The following SPATA16 variants were observed in gnomAD, a reference collection of about 807,000 sequenced individuals.
SPATA16 encodes the protein spermatogenesis-associated protein 16.
SPATA16 carries 36 observed loss-of-function variants against 63.3 expected under a neutral mutation model. That is an observed-to-expected ratio of 0.57 (90% CI 0.44 to 0.75). The LOEUF is 0.75. SPATA16 is among the 30% of genes least tolerant of loss of function. The pLI, the probability that SPATA16 is intolerant of heterozygous loss-of-function variation, is 0.00. For synonymous variants in SPATA16, 203 were observed against 216.7 expected (o/e 0.94, Z 0.56); for missense variants, 646 against 679.3 (o/e 0.95, Z 0.54).
intron 2 of SPATA16, among the ~76,000 whole-genome samples, chr3:173,065,996 G>C (rs1363593363): frequency 6.6e-6 from 1 of 152,208 alleles, no homozygotes; most frequent in East Asian, 1.9e-4. Flanking sequence ...ATGCAGCTAT[G>C]AGACACTGGC....
Position 173,049,562 on chromosome 3 carries a change from A to G in SPATA16, c.613-468T>C, listed in dbSNP as rs1286368853. 2.0e-5 allele frequency among the ~76,000 whole-genome samples: 3 copies of G among 152,310 alleles called. No individual in the cohort carries two copies. In the South Asian group the frequency reaches 6.2e-4, roughly 32 times the overall value. Reference sequence around the variant, plus strand: ...ACTATCAAGTTTGATTTAATATAATAAGAGGTATCGGAAGTAAACTCCTAG... The same window carrying G: ...ACTATCAAGTTTGATTTAATATAATGAGAGGTATCGGAAGTAAACTCCTAG... On this transcript the variant is annotated intron_variant, in intron 2 of 10. Coordinates refer to ENST00000351008, the MANE Select transcript of SPATA16 (RefSeq NM_031955.6).
chr3:173,085,502 AT>A (rs984743103), intron 2 of SPATA16, among the ~76,000 whole-genome samples: 17 of 149,040 alleles, frequency 1.1e-4, no homozygotes, highest in East Asian at 2.0e-4. Context: ...AATATGCTTT[AT>A]TTTTTTTTTC....
intron 2 of SPATA16, among the ~76,000 whole-genome samples, chr3:173,055,044 T>C (rs538749683): frequency 9.4e-4 from 143 of 152,328 alleles, no homozygotes; most frequent in South Asian, 1.9e-3. Context: ...AAATGTTTGA[T>C]GTTATTCATT....
intron 10 of SPATA16, among the ~76,000 whole-genome samples, chr3:172,910,847 G>T (rs942402377): frequency 2.6e-5 from 4 of 152,148 alleles, no homozygotes; most frequent in African/African-American, 9.7e-5. Context: ...TCTTTATTCA[G>T]TCTTTTATCC....
intron 4 of SPATA16, among the ~76,000 whole-genome samples, chr3:173,014,903 C>G (rs1735146536): frequency 6.6e-6 from 1 of 152,148 alleles, no homozygotes; most frequent in African/African-American, 2.4e-5. Context: ...TGGTCTCCAG[C>G]TCACTGTAGT....
At chr3:173,080,872 T>C (rs1736907464) in intron 2 of SPATA16, among the ~76,000 whole-genome samples, 2 of 152,272 alleles carry the variant, frequency 1.3e-5, no homozygotes, top group East Asian at 3.9e-4. Context: ...TCCAAAAAAT[T>C]ATCACAAGTC....
At chr3:172,895,637 G>A (rs2109541488) in intron 10 of SPATA16, among the ~76,000 whole-genome samples, 1 of 152,032 alleles carries the variant, frequency 6.6e-6, no homozygotes, top group East Asian at 1.9e-4. Flanking sequence ...CCTGGCCATA[G>A]GTTCTTCATT....
chr3:173,064,320 C>CAAAA lies in SPATA16; in HGVS notation c.613-15230_613-15227dup, dbSNP rs59773490. Among the ~76,000 whole-genome samples the CAAAA allele has an allele frequency of 4.3e-3, 249 of 57,622 alleles. 6 individuals are homozygous for CAAAA. The highest frequency in any genetic ancestry group is 0.014 in the African/African-American group (206 of 14,336). 37.8% of individuals were successfully genotyped at this position (57,622 alleles called of 152,430 possible). The stretch of plus-strand genomic sequence containing the variant: ...GAAACTCCATCACACACACGCACAC[C>CAAAA]AAAAAAAAAAAAAAAAAAAAGGAAG... On this transcript the variant is annotated intron_variant, in intron 2 of 10. Transcript: ENST00000351008.
intron 4 of SPATA16, among the ~76,000 whole-genome samples, chr3:173,004,257 G>T (rs1734890661): frequency 6.6e-6 from 1 of 152,100 alleles, no homozygotes; most frequent in African/African-American, 2.4e-5. Context: ...AGAAATGAAG[G>T]AAAGGAAAGA....
In SPATA16 at chr3:173,114,040, C is replaced by T. The variant is rs183831670; in HGVS notation, c.612+3080G>A. ...ACTAAAAATACAAAACTTAGCCAGG[C>T]GTGGTGGCAGGTGCCTGTAATCCCA... is the stretch of plus-strand genomic sequence containing the variant. On this transcript the variant is annotated intron_variant, in intron 2 of 10. Transcript: ENST00000351008. Among the ~76,000 whole-genome samples the T allele has an allele frequency of 3.9e-5, 6 of 152,102 alleles. No homozygotes were observed. The East Asian group carries it at 9.7e-4, about 24-fold the overall frequency.
In SPATA16 at chr3:172,974,657, A is replaced by G. The variant is rs560101006; in HGVS notation, c.933+2311T>C. Among the ~76,000 whole-genome samples the G allele has an allele frequency of 4.5e-4, 69 of 152,256 alleles. 1 individual carries two copies. The highest frequency in any genetic ancestry group is 2.0e-3 in the Admixed American group (30 of 15,280). ...GGCTTGATAGAGGGTGTTAATTTAT[A>G]GAATTTATCTGCAGGAAGTGATTTC... On this transcript the variant is annotated intron_variant, in intron 5 of 10. Transcript: ENST00000351008.
chr3:172,933,893 G>A (rs1194055299), intron 6 of SPATA16, among the ~76,000 whole-genome samples: 5 of 152,140 alleles, frequency 3.3e-5, no homozygotes, highest in Non-Finnish European at 7.4e-5. Flanking sequence ...AGATGAAACT[G>A]TCATGTTGAA....
rs556259266 is a variant in SPATA16, at chr3:172,891,252, T to A, written c.1588-1560A>T. On this transcript the variant is annotated intron_variant, in intron 10 of 10. Transcript: ENST00000351008. The stretch of plus-strand genomic sequence containing the variant: ...TAATGCAGCAAAAAGCTTCCTTCAA[T>A]AAGACAGTGAAATAATTGTTTTTAA... 6.6e-5 allele frequency among the ~76,000 whole-genome samples: 10 copies of A among 152,292 alleles called. No homozygotes were observed. In the South Asian group the frequency reaches 1.0e-3, roughly 16 times the overall value.
intron 2 of SPATA16, among the ~76,000 whole-genome samples, chr3:173,094,287 G>A (rs1737297188): frequency 6.6e-6 from 1 of 152,048 alleles, no homozygotes; most frequent in African/African-American, 2.4e-5. Flanking sequence ...TATATAGTTT[G>A]CCTGGTAGCT....
At chr3:173,038,681 T>G (rs969179177) in intron 3 of SPATA16, among the ~76,000 whole-genome samples, 1 of 152,116 alleles carries the variant, frequency 6.6e-6, no homozygotes, top group African/African-American at 2.4e-5. Context: ...AAGCATTAAA[T>G]AGACCAGCCA....
intron 2 of SPATA16, among the ~76,000 whole-genome samples, chr3:173,075,817 A>C (rs893834703): frequency 6.6e-6 from 1 of 152,136 alleles, no homozygotes; most frequent in African/African-American, 2.4e-5. Context: ...TAGTGCATAC[A>C]AGAATATAGA....
chr3:173,045,903 T>C (rs1183654458), intron 3 of SPATA16, among the ~76,000 whole-genome samples: 1 of 152,138 alleles, frequency 6.6e-6, no homozygotes, highest in East Asian at 1.9e-4. Context: ...GATACTACCA[T>C]TATAAAATCA....
Position 173,075,008 on chromosome 3 carries a change from A to AAG in SPATA16, c.613-25915_613-25914insCT, listed in dbSNP as rs1553799962. Among the ~76,000 whole-genome samples the AAG allele has an allele frequency of 4.0e-4, 58 of 146,190 alleles. 1 individual carries two copies. Among genetic ancestry groups the AAG allele is most frequent in the East Asian group, 8.2e-4 (4 of 4,898 alleles). Reference sequence around the variant, plus strand: ...ACTCTATCTCAAAAAAAAAAAAAAAAAAAAGGAAAGAAAAGAAAAAAAGAA... The same window carrying AAG: ...ACTCTATCTCAAAAAAAAAAAAAAAAAGAAAAGGAAAGAAAAGAAAAAAAGAA... On this transcript the variant is annotated intron_variant, in intron 2 of 10. Transcript: ENST00000351008.
At chr3:173,060,852 C>G (rs1258003943) in intron 2 of SPATA16, among the ~76,000 whole-genome samples, 1 of 152,136 alleles carries the variant, frequency 6.6e-6, no homozygotes, top group Non-Finnish European at 1.5e-5. Flanking sequence ...CAATGCTTTT[C>G]TTTTGGAAAT....
Sources: gnomAD v4.1 joint callset for allele counts (sites outside exome capture counted in the v4.1 genomes callset) on GRCh38, gnomAD v4.1.1 for gene constraint, MANE v1.5 for transcripts, NCBI Gene and HGNC (gene_info 2026-07-23, HGNC 2026-07-21) for gene names.